Variants in GFPT2 observed in about 807,000 individuals in gnomAD.
GFPT2 encodes glutamine--fructose-6-phosphate transaminase 2.
GFPT2 carries 62 observed loss-of-function variants against 85.6 expected under a neutral mutation model. That is an observed-to-expected ratio of 0.72 (90% CI 0.59 to 0.90). The LOEUF is 0.90. Ranked by LOEUF, GFPT2 falls within the 40% of genes least tolerant of loss-of-function variation. GFPT2 has a pLI of 0.00. For missense variants in GFPT2, 788 were observed against 893.4 expected (o/e 0.88, Z 1.50); for synonymous variants, 368 against 344.5 (o/e 1.07, Z -0.75).
chr5:180,333,684 T>C (rs1764349516), intron 4 of GFPT2, among the ~76,000 whole-genome samples: 1 of 152,216 alleles, frequency 6.6e-6, no homozygotes, highest in Non-Finnish European at 1.5e-5. Flanking sequence ...TTGCTGGGCG[T>C]TCAGACTTCC....
rs779219580 is a variant in GFPT2, at chr5:180,316,458, G to A, written c.1156C>T (p.Arg386Trp). Reference sequence around the variant, plus strand: ...TCAGTCAGTTCCTCCAAAACTTGCCGCGTCTGAAGCCAACAAGCAAGCATG... The same window carrying A: ...TCAGTCAGTTCCTCCAAAACTTGCCACGTCTGAAGCCAACAAGCAAGCATG... ...GTSYHAAVAT[R>W]QVLEELTELP... The change falls in exon 13 of 19, where the codon CGG becomes TGG. Residue 386 changes from arginine (R) to tryptophan (W), a missense_variant. Arg to Trp is a moderately radical substitution (Grantham distance 101). Transcript: ENST00000253778. 8 of 1,613,888 alleles carry A rather than the reference G, an allele frequency of 5.0e-6. No homozygotes were observed. Among genetic ancestry groups the A allele is most frequent in the Admixed American group, 1.7e-5 (1 of 59,990 alleles).
intron 1 of GFPT2, among the ~76,000 whole-genome samples, chr5:180,351,428 T>C (rs1473117633): frequency 1.4e-5 from 2 of 143,442 alleles, no homozygotes; most frequent in Non-Finnish European, 3.1e-5. Context: ...TCCCCCACCC[T>C]GCCCCCAGCC....
At chr5:180,344,825 CCT>C (rs1491252246) in intron 1 of GFPT2, among the ~76,000 whole-genome samples, 2 of 148,316 alleles carry the variant, frequency 1.3e-5, no homozygotes, top group African/African-American at 4.8e-5. Flanking sequence ...TGGCTGGTCC[CCT>C]GTTCCACTCC....
In GFPT2 at chr5:180,313,871, G is replaced by A. The variant is rs1412517152; in HGVS notation, c.1367C>T (p.Ser456Phe). Residue 456 changes from serine (S) to phenylalanine (F), a missense_variant, in exon 14 of 19, where the codon TCT becomes TTT. Coordinates refer to ENST00000253778, the MANE Select transcript of GFPT2 (RefSeq NM_005110.4). ...GTGGACGCCGCAGTCGGTCTCGCGAGAGATGGAGCTGCCCACGGTGTTGGT... is the reference window on the plus strand; with the variant it reads ...GTGGACGCCGCAGTCGGTCTCGCGAAAGATGGAGCTGCCCACGGTGTTGGT... ...GVTNTVGSSI[S>F]RETDCGVHIN... The A allele has an allele frequency of 6.2e-7, 1 of 1,605,452 alleles. No individual in the cohort carries two copies. The highest frequency in any genetic ancestry group is 8.5e-7 in the Non-Finnish European group (1 of 1,178,732).
chr5:180,302,378 G>T, intron 18 of GFPT2, 45 bp downstream of exon 18: 1 of 1,478,812 alleles, frequency 6.8e-7, no homozygotes, highest in Non-Finnish European at 9.4e-7. Context: ...GAACTCTGGG[G>T]TTATGTCTCT....
rs1035747301 is a variant in GFPT2 at position 180,311,996 on chromosome 5, G to A, written c.1546+434C>T. On this transcript the variant is annotated intron_variant, in intron 15 of 18. Transcript: ENST00000253778. ...CTGAGGACCAGGGAGGCAGGGAGGT[G>A]GGGAGGCTGAGGGGCAGGGAGGCAG... Among the ~76,000 whole-genome samples, 104 of 63,466 alleles carry A rather than the reference G, an allele frequency of 1.6e-3. 1 individual carries two copies. The highest frequency in any genetic ancestry group is 5.3e-3 in the East Asian group (6 of 1,130). The allele number at this position is 63,466 out of a possible 152,430, so 41.6% of individuals were successfully genotyped here.
intron 15 of GFPT2, among the ~76,000 whole-genome samples, chr5:180,310,323 G>A (rs1186734233): frequency 1.3e-5 from 2 of 151,702 alleles, no homozygotes; most frequent in Non-Finnish European, 2.9e-5. Flanking sequence ...GGCTGGTCTC[G>A]AACTCCTGAC....
intron 1 of GFPT2, among the ~76,000 whole-genome samples, chr5:180,339,242 T>C (rs1202018184): frequency 1.3e-5 from 2 of 151,886 alleles, no homozygotes; most frequent in South Asian, 4.2e-4. Flanking sequence ...TAGCTGGGTG[T>C]GGTGGTGTGT....
Position 180,353,191 on chromosome 5 carries a change from C to A in GFPT2, c.7+20G>T, listed in dbSNP as rs887028891. 1.6e-6 allele frequency: 2 copies of A among 1,234,764 alleles called. No homozygotes were observed. The highest frequency in any genetic ancestry group is 2.0e-6 in the Non-Finnish European group (2 of 987,146). 76.5% of individuals were successfully genotyped at this position (1,234,764 alleles called of 1,614,324 possible). A position where few individuals can be genotyped will look rare whatever the true frequency, so the allele number is the denominator to read the frequency against. On this transcript the variant is annotated intron_variant, in intron 1 of 18. Transcript: ENST00000253778. ...CGCGGACGGCGTGGAGGAGGCGGCT[C>A]GGGCGGGCGCGGCACTCACCGCACA...
rs1355288339 is a variant in GFPT2, at chr5:180,318,441, C to T, written c.958+352G>A. Among the ~76,000 whole-genome samples the T allele has an allele frequency of 6.6e-6, 1 of 152,078 alleles. No individual in the cohort carries two copies. Among genetic ancestry groups the T allele is most frequent in the Non-Finnish European group, 1.5e-5 (1 of 68,012 alleles). ...TCCTTGTAGGGAGAAAGTGTACCCCCACCCCCCATTTACTGCAGACCTGCA... is the reference window on the plus strand; with the variant it reads ...TCCTTGTAGGGAGAAAGTGTACCCCTACCCCCCATTTACTGCAGACCTGCA... On this transcript the variant is annotated intron_variant, in intron 10 of 18. Coordinates refer to ENST00000253778, the MANE Select transcript of GFPT2 (RefSeq NM_005110.4). This position sits in a 1 kb window ranked among gnomAD's most constrained non-coding sequence, Gnocchi z 4.2.
At chr5:180,324,989 C>T in intron 7 of GFPT2, 94 bp from the exon 8 acceptor site, 1 of 822,126 alleles carries the variant, frequency 1.2e-6, no homozygotes, top group Non-Finnish European at 2.1e-6. Context: ...CCAAATCTAG[C>T]CCTTTCCCAG....
In GFPT2 at chr5:180,335,938, T is replaced by C. The variant is rs1186891631; in HGVS notation, c.230A>G (p.Asp77Gly). ...GTGTGTCTCAAACTCCACTTTTAAG[T>C]CCATGCTGTCTTGTTCTAAATGAAA... ...DEELYKQDSMDLKVEFETHFG... is the reference protein window; with the variant it reads ...DEELYKQDSMGLKVEFETHFG... Residue 77 changes from aspartate (D) to glycine (G), a missense_variant, in exon 4 of 19, where the codon GAC (aspartate) becomes GGC (glycine). Physicochemically the swap from Asp to Gly is moderately conservative, Grantham distance 94. Transcript: ENST00000253778. 6.3e-7 allele frequency: 1 copy of C among 1,575,122 alleles called. No homozygotes were observed. The highest frequency in any genetic ancestry group is 8.6e-7 in the Non-Finnish European group (1 of 1,165,942).
chr5:180,333,950 G>A (rs1375673760), intron 4 of GFPT2, among the ~76,000 whole-genome samples: 1 of 152,124 alleles, frequency 6.6e-6, no homozygotes, highest in Non-Finnish European at 1.5e-5. Flanking sequence ...TGGCTAAAGT[G>A]GCAACATCTC....
chr5:180,328,847 G>A lies in GFPT2; in HGVS notation c.535-509C>T, dbSNP rs929884874. On this transcript the variant is annotated intron_variant, in intron 6 of 18. Coordinates refer to ENST00000253778, the MANE Select transcript of GFPT2 (RefSeq NM_005110.4). This position sits in a 1 kb window ranked among gnomAD's most constrained non-coding sequence, Gnocchi z 5.4. Reference sequence around the variant, plus strand: ...GGAAGTGAGAACAGCGCCACCTGGCGGGGCTTCCGTGACGATGATAAGCTA... The same window carrying A: ...GGAAGTGAGAACAGCGCCACCTGGCAGGGCTTCCGTGACGATGATAAGCTA... Among the ~76,000 whole-genome samples the A allele has an allele frequency of 2.0e-5, 3 of 152,214 alleles. No homozygotes were observed. Among genetic ancestry groups the A allele is most frequent in the Non-Finnish European group, 2.9e-5 (2 of 68,050 alleles).
chr5:180,317,615 C>T (rs894041047), intron 10 of GFPT2, among the ~76,000 whole-genome samples: 43 of 147,026 alleles, frequency 2.9e-4, no homozygotes, highest in Non-Finnish European at 5.2e-4. Flanking sequence ...AAAAATTAGC[C>T]GGGCGTAGTG....
chr5:180,335,349 G>A (rs1287524210), intron 4 of GFPT2, among the ~76,000 whole-genome samples: 1 of 152,216 alleles, frequency 6.6e-6, no homozygotes, highest in African/African-American at 2.4e-5. Context: ...CCCACGGTGT[G>A]TCTGGTGGCA....
At chr5:180,317,534 C>T (rs573207028) in intron 10 of GFPT2, among the ~76,000 whole-genome samples, 34 of 145,116 alleles carry the variant, frequency 2.3e-4, no homozygotes, top group South Asian at 4.2e-4. Context: ...CCGAGGCGGG[C>T]GGATCACGAA....
At chr5:180,342,986 A>G (rs978983228) in intron 1 of GFPT2, among the ~76,000 whole-genome samples, 2 of 152,206 alleles carry the variant, frequency 1.3e-5, no homozygotes, top group Non-Finnish European at 2.9e-5. Context: ...AATTGTGGTC[A>G]ATGTAAAGAC....
chr5:180,343,059 T>G (rs957563234), intron 1 of GFPT2, among the ~76,000 whole-genome samples: 5 of 152,216 alleles, frequency 3.3e-5, no homozygotes, highest in African/African-American at 1.2e-4. Context: ...CACTGAACTT[T>G]CCTGGCATCC....
Sources: allele counts gnomAD v4.1 joint callset (sites outside exome capture counted in the v4.1 genomes callset), GRCh38; gene constraint gnomAD v4.1.1; non-coding constraint Gnocchi (gnomAD v3.1); transcripts MANE v1.5; gene names NCBI Gene and HGNC (gene_info 2026-07-23, HGNC 2026-07-21).